The following MALRD1 variants were observed in gnomAD, a reference collection of about 807,000 sequenced individuals.
MALRD1 encodes MAM and LDL receptor class A domain containing 1.
In MALRD1, 247 loss-of-function variants were observed where a neutral mutation model predicts 242.1. That is an observed-to-expected ratio of 1.02 (90% confidence interval 0.92 to 1.13). The LOEUF (loss-of-function observed/expected upper bound fraction) is 1.13. Ranked by LOEUF, MALRD1 falls within the 50% of genes most tolerant of loss-of-function variation. The pLI, the probability that MALRD1 is intolerant of heterozygous loss-of-function variation, is 0.00. For missense variants in MALRD1, 2,989 were observed against 2,533.1 expected (o/e 1.18, Z -3.86); for synonymous variants, 995 against 866.6 (o/e 1.15, Z -2.60).
At chr10:19,249,330 T>C (rs1839204138) in intron 18 of MALRD1, among the ~76,000 whole-genome samples, 1 of 151,684 alleles carries the variant, frequency 6.6e-6, no homozygotes, top group African/African-American at 2.4e-5. Context: ...AAAGACACGG[T>C]TTCAAAGTAA....
At chr10:19,135,794 A>G (rs551456761) in intron 9 of MALRD1, among the ~76,000 whole-genome samples, 1 of 152,330 alleles carries the variant, frequency 6.6e-6, no homozygotes. Context: ...AGCTATTTAT[A>G]CTTCTGCACT....
intron 1 of MALRD1, among the ~76,000 whole-genome samples, chr10:19,050,157 G>A (rs1404583815): frequency 1.4e-5 from 2 of 143,648 alleles, no homozygotes; most frequent in African/African-American, 5.2e-5. Context: ...GCGGGATCTC[G>A]GCTCACTGCA....
intron 36 of MALRD1, among the ~76,000 whole-genome samples, chr10:19,659,728 A>G (rs1049688579): frequency 2.0e-5 from 3 of 152,102 alleles, no homozygotes; most frequent in South Asian, 2.1e-4. Flanking sequence ...ATTTTTTTAT[A>G]TAAAGTCAAT....
chr10:19,726,851 G>T (rs541246961), intron 38 of MALRD1, among the ~76,000 whole-genome samples: 1 of 152,122 alleles, frequency 6.6e-6, no homozygotes, highest in Non-Finnish European at 1.5e-5. Context: ...AAACACAAAA[G>T]GACAAATACT....
chr10:19,079,539 T>C (rs1470508722), intron 2 of MALRD1, among the ~76,000 whole-genome samples: 1 of 151,954 alleles, frequency 6.6e-6, no homozygotes, highest in Non-Finnish European at 1.5e-5. Flanking sequence ...TTCTTGCTGA[T>C]CTTCTATCAA....
intron 36 of MALRD1, among the ~76,000 whole-genome samples, chr10:19,624,924 G>C (rs981078284): frequency 1.3e-5 from 2 of 150,602 alleles, no homozygotes; most frequent in African/African-American, 4.9e-5. Context: ...AGATGAGGCT[G>C]AGCACAGTGG....
intron 28 of MALRD1, among the ~76,000 whole-genome samples, chr10:19,431,111 GTA>G: frequency 6.6e-6 from 1 of 152,194 alleles, no homozygotes; most frequent in Non-Finnish European, 1.5e-5. Flanking sequence ...CATCACGTAT[GTA>G]TTAAGCCCAT....
intron 26 of MALRD1, among the ~76,000 whole-genome samples, chr10:19,368,282 T>TAGACC (rs1845193277): frequency 6.6e-6 from 1 of 152,088 alleles, no homozygotes; most frequent in Non-Finnish European, 1.5e-5. Flanking sequence ...TTGATCAATT[T>TAGACC]TAATTTTGTA....
At chr10:19,340,787 C>G (rs915293927) in intron 24 of MALRD1, among the ~76,000 whole-genome samples, 1 of 152,090 alleles carries the variant, frequency 6.6e-6, no homozygotes, top group African/African-American at 2.4e-5. Context: ...CTTTTTATGT[C>G]ATAGCAGTGC....
At chr10:19,055,407 C>T (rs770536704) in intron 1 of MALRD1, among the ~76,000 whole-genome samples, 4 of 152,022 alleles carry the variant, frequency 2.6e-5, no homozygotes, top group Admixed American at 6.6e-5. Flanking sequence ...TAGTTTGATG[C>T]GGTCCTATTT....
chr10:19,102,946 C>T (rs1483009594), intron 4 of MALRD1, among the ~76,000 whole-genome samples: 1 of 151,862 alleles, frequency 6.6e-6, no homozygotes, highest in Non-Finnish European at 1.5e-5. Flanking sequence ...CCTCCCGGTT[C>T]AAGCAATTCT....
intron 22 of MALRD1, among the ~76,000 whole-genome samples, chr10:19,324,556 A>T (rs1843036179): frequency 6.6e-6 from 1 of 152,028 alleles, no homozygotes; most frequent in Non-Finnish European, 1.5e-5. Flanking sequence ...ATGTTTCACG[A>T]ACAGCACAGA....
At chr10:19,569,831 A>G (rs1022173437) in intron 33 of MALRD1, among the ~76,000 whole-genome samples, 13 of 147,896 alleles carry the variant, frequency 8.8e-5, no homozygotes, top group Non-Finnish European at 1.8e-4. Context: ...ATTATTCCAT[A>G]TGTATATAAT....
intron 14 of MALRD1, among the ~76,000 whole-genome samples, chr10:19,202,726 G>T (rs745730444): frequency 2.6e-5 from 4 of 152,002 alleles, no homozygotes; most frequent in African/African-American, 4.8e-5. Flanking sequence ...TTCATTTTGC[G>T]TTGGTCTGTG....
chr10:19,281,669 T>G (rs1840816075), intron 20 of MALRD1, among the ~76,000 whole-genome samples: 2 of 152,132 alleles, frequency 1.3e-5, no homozygotes, highest in African/African-American at 2.4e-5. Flanking sequence ...TTTTGAAAAT[T>G]GTGATAAAAA....
At position 19,406,792 on chromosome 10, in the gene MALRD1, C is replaced by T. The variant is rs148328968; in HGVS notation, c.4845+17183C>T. ...ATAATGACCCTATCTCACAGAAGAGCATTAAGATGACATAGTGCCATACAC... is the reference window on the plus strand; with the variant it reads ...ATAATGACCCTATCTCACAGAAGAGTATTAAGATGACATAGTGCCATACAC... On this transcript the variant is annotated intron_variant, in intron 28 of 39. Coordinates refer to ENST00000454679, the MANE Select transcript of MALRD1 (RefSeq NM_001142308.3). Among the ~76,000 whole-genome samples, 451 of 152,240 alleles carry T rather than the reference C, an allele frequency of 3.0e-3. 3 individuals carry two copies. Among genetic ancestry groups the T allele is most frequent in the African/African-American group, 0.01 (435 of 41,544 alleles).
chr10:19,648,982 C>T (rs187453211), intron 36 of MALRD1, among the ~76,000 whole-genome samples: 10 of 152,274 alleles, frequency 6.6e-5, no homozygotes, highest in Admixed American at 1.3e-4. Context: ...TAAGTGAGAA[C>T]ATGCAGTATT....
chr10:19,677,229 A>G (rs1270653301), intron 36 of MALRD1, among the ~76,000 whole-genome samples: 5 of 152,286 alleles, frequency 3.3e-5, no homozygotes, highest in Non-Finnish European at 5.9e-5. Context: ...TAGGTCTTCG[A>G]GGAATCATCA....
chr10:19,515,908 G>A (rs983108189), intron 31 of MALRD1, among the ~76,000 whole-genome samples: 5 of 152,128 alleles, frequency 3.3e-5, no homozygotes, highest in Non-Finnish European at 7.3e-5. Flanking sequence ...GAACCAGCTA[G>A]TATAAGGACA....
Sources: gnomAD v4.1 joint callset for allele counts (sites outside exome capture counted in the v4.1 genomes callset) on GRCh38, gnomAD v4.1.1 for gene constraint, MANE v1.5 for transcripts, NCBI Gene and HGNC (gene_info 2026-07-23, HGNC 2026-07-21) for gene names.